The following KAZN variants were observed in gnomAD, a reference collection of about 807,000 sequenced individuals.
KAZN encodes kazrin.
KAZN carries 40 observed loss-of-function variants against 87.4 expected under a neutral mutation model. The ratio of observed to expected loss-of-function variants is 0.46; its 90% CI spans 0.36 to 0.60. The LOEUF (loss-of-function observed/expected upper bound fraction) is 0.60. KAZN is among the 20% of genes least tolerant of loss of function. The pLI is 0.00. For missense variants in KAZN, 898 were observed against 1,073.9 expected (o/e 0.84, Z 2.29); for synonymous variants, 466 against 458.3 (o/e 1.02, Z -0.22).
chr1:14,623,409 C>A (rs1045594517), intron 1 of KAZN, among the ~76,000 whole-genome samples: 1 of 152,068 alleles, frequency 6.6e-6, no homozygotes, highest in Non-Finnish European at 1.5e-5. Flanking sequence ...TAAGTGGGAG[C>A]GAAACATTGA....
intron 1 of KAZN, among the ~76,000 whole-genome samples, chr1:14,833,242 C>T (rs1302283352): frequency 1.3e-5 from 2 of 152,116 alleles, no homozygotes; most frequent in Non-Finnish European, 2.9e-5. Flanking sequence ...TTCTAGCAGA[C>T]AGCAGGTATC....
chr1:13,900,988 C>T (rs1160648576), intron 1 of KAZN, among the ~76,000 whole-genome samples: 1 of 151,656 alleles, frequency 6.6e-6, no homozygotes, highest in African/African-American at 2.4e-5. Flanking sequence ...TCCTTCTGGT[C>T]ATGTCTTCCT....
intron 2 of KAZN, among the ~76,000 whole-genome samples, chr1:14,551,957 T>C (rs1223797995): frequency 6.6e-6 from 1 of 152,084 alleles, no homozygotes; most frequent in East Asian, 1.9e-4. Context: ...ATCATTAAAG[T>C]CTCTCTCTCT....
At chr1:14,831,105 C>T (rs557626103) in intron 1 of KAZN, among the ~76,000 whole-genome samples, 1 of 152,244 alleles carries the variant, frequency 6.6e-6, no homozygotes, top group African/African-American at 2.4e-5. Flanking sequence ...GGTGAGCCAC[C>T]TGCCTTGGCC....
chr1:14,288,383 A>T (rs949080652), intron 2 of KAZN, among the ~76,000 whole-genome samples: 6 of 152,072 alleles, frequency 3.9e-5, no homozygotes, highest in African/African-American at 1.4e-4. Flanking sequence ...TTCAGAGATT[A>T]AATTTCTCCT....
At chr1:14,439,820 A>G (rs1186841423) in intron 2 of KAZN, among the ~76,000 whole-genome samples, 2 of 152,018 alleles carry the variant, frequency 1.3e-5, no homozygotes, top group Admixed American at 6.5e-5. Flanking sequence ...CACATCACCA[A>G]CGCTGACCTC....
At chr1:14,161,552 A>C (rs1331962737) in intron 1 of KAZN, among the ~76,000 whole-genome samples, 2 of 152,220 alleles carry the variant, frequency 1.3e-5, no homozygotes, top group East Asian at 3.8e-4. Context: ...GAGAGAGAGC[A>C]AGATGAGAGC....
intron 1 of KAZN, among the ~76,000 whole-genome samples, chr1:14,660,937 C>G (rs1639130537): frequency 6.6e-6 from 1 of 152,208 alleles, no homozygotes; most frequent in African/African-American, 2.4e-5. Context: ...CAGGCTGTGA[C>G]AGCCGCATCC....
chr1:15,112,701 A>G lies in KAZN; in HGVS notation c.2163+160A>G, dbSNP rs1371278853. ...GACAGATGCCCTGGATGTACCTTCA[A>G]GGAACCTTCACGATGCTTTGGGTAC... is the stretch of plus-strand genomic sequence containing the variant. On this transcript the variant is annotated intron_variant, in intron 14 of 14. Transcript: ENST00000376030. 3 of 600,716 alleles carry G rather than the reference A, an allele frequency of 5.0e-6. No individual in the cohort carries two copies. In the East Asian group the frequency reaches 8.5e-5, roughly 17 times the overall value. 37.2% of individuals were successfully genotyped at this position (600,716 alleles called of 1,614,324 possible). A position where few individuals can be genotyped will look rare whatever the true frequency, so the allele number is the denominator to read the frequency against.
At chr1:14,022,418 C>G (rs562047994) in intron 1 of KAZN, among the ~76,000 whole-genome samples, 2 of 131,770 alleles carry the variant, frequency 1.5e-5, no homozygotes, top group East Asian at 5.0e-4. Flanking sequence ...ATTAAGAAGG[C>G]TTTGACCTAT....
intron 2 of KAZN, among the ~76,000 whole-genome samples, chr1:14,280,116 G>T (rs867203145): frequency 3.3e-5 from 5 of 151,940 alleles, no homozygotes; most frequent in African/African-American, 9.7e-5. Flanking sequence ...TAATCCCAGC[G>T]CTTCGGGAGG....
At chr1:14,420,542 G>T (rs796270477) in intron 2 of KAZN, among the ~76,000 whole-genome samples, 1 of 152,180 alleles carries the variant, frequency 6.6e-6, no homozygotes, top group Non-Finnish European at 1.5e-5. Context: ...ACCAGGTGCC[G>T]CGGAGCAAGG....
intron 1 of KAZN, among the ~76,000 whole-genome samples, chr1:13,942,307 G>A (rs1264451747): frequency 4.6e-5 from 7 of 151,634 alleles, no homozygotes; most frequent in African/African-American, 1.5e-4. Flanking sequence ...TTGGGAGGCC[G>A]AGGCGGGTGG....
At chr1:14,202,042 AT>A (rs1646651181) in intron 2 of KAZN, among the ~76,000 whole-genome samples, 1 of 152,174 alleles carries the variant, frequency 6.6e-6, no homozygotes, top group African/African-American at 2.4e-5. Context: ...ATTCTGTGTA[AT>A]CACTTTAATT....
chr1:14,532,666 G>T (rs1046845655), intron 2 of KAZN, among the ~76,000 whole-genome samples: 1 of 125,572 alleles, frequency 8.0e-6, no homozygotes, highest in Non-Finnish European at 1.6e-5. Flanking sequence ...TCCCCTTCCT[G>T]TGTCCATGTG....
chr1:13,969,077 A>T (rs749444778), intron 1 of KAZN, among the ~76,000 whole-genome samples: 3 of 152,200 alleles, frequency 2.0e-5, no homozygotes, highest in African/African-American at 7.2e-5. Context: ...TTAATTCAGT[A>T]TATGCCATGT....
In KAZN at chr1:14,755,981, T is replaced by C. The variant is rs60272287; in HGVS notation, c.226+156758T>C. ...CTGTGTCTAGAATGGTACCAAGGACTCTGCACAAACTTGAGAGGCCCTGTC... is the reference window on the plus strand; with the variant it reads ...CTGTGTCTAGAATGGTACCAAGGACCCTGCACAAACTTGAGAGGCCCTGTC... On this transcript the variant is annotated intron_variant, in intron 1 of 14. Transcript: ENST00000376030. 4.5e-3 allele frequency among the ~76,000 whole-genome samples: 685 copies of C among 152,296 alleles called. 7 individuals carry two copies. Among genetic ancestry groups the C allele is most frequent in the African/African-American group, 0.015 (616 of 41,562 alleles).
At chr1:14,659,570 C>T (rs554637198) in intron 1 of KAZN, among the ~76,000 whole-genome samples, 1 of 152,242 alleles carries the variant, frequency 6.6e-6, no homozygotes, top group South Asian at 2.1e-4. Context: ...ACCGATGGCA[C>T]CATAAACTTC....
chr1:14,479,078 C>T (rs911021552), intron 2 of KAZN, among the ~76,000 whole-genome samples: 1 of 152,174 alleles, frequency 6.6e-6, no homozygotes, highest in Non-Finnish European at 1.5e-5. Flanking sequence ...AGTGTTTATC[C>T]GCCGGCTTCT....
Sources: allele counts gnomAD v4.1 joint callset (sites outside exome capture counted in the v4.1 genomes callset), GRCh38; gene constraint gnomAD v4.1.1; transcripts MANE v1.5; gene names NCBI Gene and HGNC (gene_info 2026-07-23, HGNC 2026-07-21).